Variants in DBX2 observed in about 807,000 individuals in gnomAD.
DBX2 encodes the protein developing brain homeobox 2, also known as homeobox protein DBX2.
In DBX2, 16 loss-of-function variants were observed where a neutral mutation model predicts 17.7. The observed-to-expected ratio is 0.90, with a 90% CI of 0.61 to 1.37. The LOEUF (loss-of-function observed/expected upper bound fraction) is 1.37. DBX2 is among the 40% of genes most tolerant of loss of function. DBX2 has a pLI of 0.00. For missense variants in DBX2, 538 were observed against 433.8 expected, an observed-to-expected ratio of 1.24 and a Z score of -2.13; for synonymous variants, 255 against 183.8, an observed-to-expected ratio of 1.39 and a Z score of -3.13.
rs758581748 is a variant in DBX2, at chr12:45,023,837, C to T, written c.557G>A (p.Gly186Asp). 8 of 1,605,482 alleles carry T rather than the reference C, an allele frequency of 5.0e-6. No individual in the cohort carries two copies. The highest frequency in any genetic ancestry group is 3.4e-5 in the South Asian group (3 of 89,398). ...TQDSNSKARR[G>D]ILRRAVFSED... ...AGAAAAGACAGCTCTTCTTAAAATG[C>T]CCCTCCGAGCTTTGGAATTAGAGTC... The change falls in exon 3 of 4, where the codon GGC becomes GAC. Residue 186 changes from glycine (G) to aspartate (D), a missense_variant. Coordinates refer to ENST00000332700, the MANE Select transcript of DBX2 (RefSeq NM_001004329.3).
intron 1 of DBX2, among the ~76,000 whole-genome samples, chr12:45,039,306 T>C (rs1946458233): frequency 1.0e-5 from 1 of 100,068 alleles, no homozygotes; most frequent in South Asian, 2.9e-4. Flanking sequence ...TATATATATA[T>C]ATATATATAT....
chr12:45,021,945 A>G (rs1172615975), intron 3 of DBX2, among the ~76,000 whole-genome samples: 2 of 140,454 alleles, frequency 1.4e-5, no homozygotes, highest in African/African-American at 2.6e-5. Flanking sequence ...TGTCTTATTC[A>G]GTATTTATCA....
At chr12:45,018,649 C>A (rs1018573897) in intron 3 of DBX2, among the ~76,000 whole-genome samples, 17 of 151,776 alleles carry the variant, frequency 1.1e-4, no homozygotes, top group African/African-American at 3.4e-4. Context: ...CAAAAACTAC[C>A]CAACAAAACT....
rs556828547 is a variant in DBX2, at chr12:45,021,422, T to C, written c.687+2285A>G. On this transcript the variant is annotated intron_variant, in intron 3 of 3. Transcript: ENST00000332700. ...TTTTATATATGGCTGTGGCATTGTC[T>C]TTTCAAAAGTCTCTTTTGGGGACCA... 2.6e-5 allele frequency among the ~76,000 whole-genome samples: 4 copies of C among 152,352 alleles called. No individual in the cohort carries two copies. The South Asian group carries it at 6.2e-4, about 24-fold the overall frequency.
chr12:45,027,420 C>T lies in DBX2; in HGVS notation c.500-3526G>A, dbSNP rs73277003. On this transcript the variant is annotated intron_variant, in intron 2 of 3. Transcript: ENST00000332700. The stretch of plus-strand genomic sequence containing the variant: ...AGTGGCTCTTTCCTCTGCATTCTGG[C>T]ATGCTTAATTTGTAAATGTATCCAA... 6.4e-3 allele frequency among the ~76,000 whole-genome samples: 981 copies of T among 152,264 alleles called. 11 individuals carry two copies. Among genetic ancestry groups the T allele is most frequent in the African/African-American group, 0.021 (893 of 41,548 alleles).
intron 1 of DBX2, among the ~76,000 whole-genome samples, chr12:45,048,807 C>A (rs1946513979): frequency 6.6e-6 from 1 of 152,116 alleles, no homozygotes; most frequent in African/African-American, 2.4e-5. Flanking sequence ...AACATCATAT[C>A]TTCAATGAGT....
At chr12:45,041,977 C>T (rs1372034003) in intron 1 of DBX2, among the ~76,000 whole-genome samples, 1 of 152,196 alleles carries the variant, frequency 6.6e-6, no homozygotes. Flanking sequence ...ATACTGTGCA[C>T]ATCCATAGCC....
At chr12:45,044,228 G>A (rs1744128312) in intron 1 of DBX2, among the ~76,000 whole-genome samples, 1 of 143,214 alleles carries the variant, frequency 7.0e-6, no homozygotes, top group Admixed American at 6.7e-5. Flanking sequence ...CAATCAGATG[G>A]TCTTTTTTTG....
chr12:45,042,529 C>T (rs776909032), intron 1 of DBX2, among the ~76,000 whole-genome samples: 6 of 152,114 alleles, frequency 3.9e-5, no homozygotes, highest in Admixed American at 1.3e-4. Context: ...CAAAGCCCCA[C>T]GGGTGAACAT....
intron 1 of DBX2, among the ~76,000 whole-genome samples, chr12:45,039,900 C>T (rs1218883658): frequency 1.3e-5 from 2 of 152,018 alleles, no homozygotes; most frequent in Non-Finnish European, 2.9e-5. Flanking sequence ...ATGGCCTTTC[C>T]TCTGGAAAAA....
intron 3 of DBX2, among the ~76,000 whole-genome samples, chr12:45,018,562 CAG>C (rs1406011005): frequency 6.6e-6 from 1 of 151,838 alleles, no homozygotes; most frequent in East Asian, 1.9e-4. Context: ...TGACATAAAA[CAG>C]AGGATACATG....
chr12:45,023,989 T>C (rs759316515), intron 2 of DBX2, 95 bp from the exon 3 acceptor site: 2 of 1,223,802 alleles, frequency 1.6e-6, no homozygotes, highest in Non-Finnish European at 2.2e-6. Context: ...CTTTGTACTA[T>C]GGCCAAATGA....
chr12:45,034,664 C>T (rs766796575), intron 2 of DBX2, among the ~76,000 whole-genome samples: 1 of 152,160 alleles, frequency 6.6e-6, no homozygotes, highest in Non-Finnish European at 1.5e-5. Flanking sequence ...TCCACTAAAT[C>T]CCTTTTCAGG....
chr12:45,028,948 A>G (rs919150351), intron 2 of DBX2, among the ~76,000 whole-genome samples: 3 of 152,148 alleles, frequency 2.0e-5, no homozygotes, highest in Non-Finnish European at 4.4e-5. Context: ...CTATTACTAA[A>G]CCACCATTGA....
At chr12:45,017,989 C>CA (rs2137017151) in intron 3 of DBX2, among the ~76,000 whole-genome samples, 1 of 152,248 alleles carries the variant, frequency 6.6e-6, no homozygotes, top group Admixed American at 6.5e-5. Context: ...ACAATTTCTT[C>CA]ATTCTTTTTA....
At chr12:45,045,280 C>T (rs775368416) in intron 1 of DBX2, among the ~76,000 whole-genome samples, 16 of 152,208 alleles carry the variant, frequency 1.1e-4, no homozygotes, top group South Asian at 6.2e-4. Flanking sequence ...TTCTTCTAAC[C>T]GAAAATTAAG....
At position 45,015,436 on chromosome 12, in the gene DBX2, TTTGAAAAATTAC is replaced by T. The variant is rs1946318018; in HGVS notation, c.*838_*849del. ...GACATTTTGTTTGGCCAATACAGTA[TTTGAAAAATTAC>T]TTGACTCAAATATCTCTGGGTGGGC... On this transcript the variant is annotated 3_prime_UTR_variant, in exon 4 of 4. Transcript: ENST00000332700. 6.6e-6 allele frequency: 1 copy of T among 152,194 alleles called. No homozygotes were observed. Among genetic ancestry groups the T allele is most frequent in the Admixed American group, 6.5e-5 (1 of 15,270 alleles). The allele number at this position is 152,194 out of a possible 1,614,324, so 9.4% of individuals were successfully genotyped here.
intron 1 of DBX2, among the ~76,000 whole-genome samples, chr12:45,050,079 C>T (rs1425071241): frequency 6.6e-6 from 1 of 152,168 alleles, no homozygotes; most frequent in Non-Finnish European, 1.5e-5. Flanking sequence ...CAAAATCTCC[C>T]CAAGTTGGGC....
intron 2 of DBX2, among the ~76,000 whole-genome samples, chr12:45,025,530 C>G (rs1393978049): frequency 6.6e-6 from 1 of 151,804 alleles, no homozygotes; most frequent in Admixed American, 6.6e-5. Flanking sequence ...CACTGGGTAT[C>G]AGGCTCACTG....
Sources: gnomAD v4.1 joint callset for allele counts (sites outside exome capture counted in the v4.1 genomes callset) on GRCh38, gnomAD v4.1.1 for gene constraint, MANE v1.5 for transcripts, NCBI Gene and HGNC (gene_info 2026-07-23, HGNC 2026-07-21) for gene names.